CLCN3: variants seen among roughly 807,000 people sequenced by gnomAD.
CLCN3 encodes Cl-/H+ antiporter 3, also known as H(+)/Cl(-) exchange transporter 3.
In CLCN3, 16 loss-of-function variants were observed where a neutral mutation model predicts 83.4. The observed-to-expected ratio is 0.19, with a 90% confidence interval of 0.13 to 0.29. The LOEUF (loss-of-function observed/expected upper bound fraction) is 0.29, where lower values mean the gene tolerates loss of function less well. Ranked by LOEUF, CLCN3 falls within the 10% of genes least tolerant of loss-of-function variation. The pLI, the probability that CLCN3 is intolerant of heterozygous loss-of-function variation, is 1.00. For synonymous variants in CLCN3, 322 were observed against 346.2 expected, an observed-to-expected ratio of 0.93 and a Z score of 0.78; for missense variants, 544 against 1,006.0, an observed-to-expected ratio of 0.54 and a Z score of 6.21.
At position 169,620,922 on chromosome 4, in the gene CLCN3, T is replaced by A. The variant is rs1412993484; in HGVS notation, c.-158T>A. ...TGCGGTAGAAAACGTCAGGTATCTT[T>A]TAAATCGCGATAGTTTTCGCTGTGT... is the stretch of plus-strand genomic sequence containing the variant. On this transcript the variant is annotated 5_prime_UTR_variant, in exon 1 of 13. Coordinates refer to ENST00000513761, the MANE Select transcript of CLCN3 (RefSeq NM_001829.4). The A allele has an allele frequency of 3.8e-5, 15 of 398,394 alleles. No homozygotes were observed. The highest frequency in any genetic ancestry group is 1.8e-5 in the Non-Finnish European group (4 of 226,046). 24.7% of individuals were successfully genotyped at this position (398,394 alleles called of 1,614,324 possible).
intron 2 of CLCN3, among the ~76,000 whole-genome samples, chr4:169,664,969 A>G (rs1479905707): frequency 6.6e-6 from 1 of 152,178 alleles, no homozygotes; most frequent in Non-Finnish European, 1.5e-5. Context: ...TTAAGTTAAC[A>G]TATGTTTAAT....
chr4:169,682,576 CTTCA>C (rs1349634425), intron 3 of CLCN3, among the ~76,000 whole-genome samples: 1 of 152,174 alleles, frequency 6.6e-6, no homozygotes, highest in Non-Finnish European at 1.5e-5. Flanking sequence ...TAGGACATAA[CTTCA>C]TACATACTTC....
rs1209904847 is a variant in CLCN3, at chr4:169,721,788, TAA to T, written c.*1793_*1794del. ...AGGCAGTTTACTCAAAGGACTGGGC[TAA>T]ATATTCTGTAATTATGCATTTTTGA... On this transcript the variant is annotated 3_prime_UTR_variant, in exon 13 of 13. Coordinates refer to ENST00000513761, the MANE Select transcript of CLCN3 (RefSeq NM_001829.4). The T allele has an allele frequency of 6.6e-6, 1 of 152,218 alleles. No individual in the cohort carries two copies. The highest frequency in any genetic ancestry group is 1.5e-5 in the Non-Finnish European group (1 of 68,042). 9.4% of individuals were successfully genotyped at this position (152,218 alleles called of 1,614,324 possible).
chr4:169,710,666 T>TA (rs1364930867), intron 11 of CLCN3, among the ~76,000 whole-genome samples: 1 of 152,230 alleles, frequency 6.6e-6, no homozygotes, highest in Admixed American at 6.5e-5. Flanking sequence ...AATAATTTTT[T>TA]AAACATTTCT....
At chr4:169,654,614 C>T (rs1002298545) in intron 2 of CLCN3, among the ~76,000 whole-genome samples, 1 of 151,872 alleles carries the variant, frequency 6.6e-6, no homozygotes, top group Non-Finnish European at 1.5e-5. Flanking sequence ...CTACTTTGGG[C>T]TATAGGTTAT....
chr4:169,718,885 T>A (rs757727912), intron 12 of CLCN3, among the ~76,000 whole-genome samples: 9 of 152,248 alleles, frequency 5.9e-5, no homozygotes, highest in Non-Finnish European at 1.2e-4. Context: ...GACTGCCTTC[T>A]GATTTTTCAC....
chr4:169,713,013 A>AT (rs1343694982), intron 11 of CLCN3, 66 bp from the exon 12 acceptor site: 1 of 1,166,084 alleles, frequency 8.6e-7, no homozygotes, highest in Non-Finnish European at 1.3e-6. Context: ...TTATCTCTGA[A>AT]TAAACAGGTT....
At chr4:169,633,937 G>C (rs1193461132) in intron 1 of CLCN3, among the ~76,000 whole-genome samples, 1 of 135,172 alleles carries the variant, frequency 7.4e-6, no homozygotes, top group Non-Finnish European at 1.6e-5. Context: ...TAGGTTTCTG[G>C]GTTAATACGT....
At chr4:169,635,809 A>AT (rs1022264560) in intron 1 of CLCN3, 104 bp from the exon 2 acceptor site, 82 of 885,254 alleles carry the variant, frequency 9.3e-5, no homozygotes, top group South Asian at 1.7e-4. Flanking sequence ...AATACGCTTA[A>AT]TTTTTTTTAG....
intron 2 of CLCN3, among the ~76,000 whole-genome samples, chr4:169,646,926 G>A (rs913610974): frequency 5.9e-5 from 9 of 152,200 alleles, no homozygotes; most frequent in Non-Finnish European, 1.3e-4. Context: ...AAAGAATACG[G>A]TAGAAGAAAT....
chr4:169,698,812 G>T (rs1732667659), intron 9 of CLCN3, among the ~76,000 whole-genome samples: 1 of 152,180 alleles, frequency 6.6e-6, no homozygotes, highest in South Asian at 2.1e-4. Context: ...CATTCTGGAG[G>T]CTGTAGGAGA....
intron 2 of CLCN3, among the ~76,000 whole-genome samples, chr4:169,669,350 G>A (rs1731372344): frequency 6.6e-6 from 1 of 152,260 alleles, no homozygotes; most frequent in South Asian, 2.1e-4. Flanking sequence ...ATGTAGCCAG[G>A]TGTGGTGGTG....
chr4:169,663,745 G>T, intron 2 of CLCN3: 2 of 281,512 alleles, frequency 7.1e-6, no homozygotes, highest in Admixed American at 5.1e-5. Context: ...ACTGAGGTAA[G>T]GAATTGTTAA....
intron 2 of CLCN3, among the ~76,000 whole-genome samples, chr4:169,659,358 GAC>G (rs922228844): frequency 6.6e-6 from 1 of 152,138 alleles, no homozygotes; most frequent in African/African-American, 2.4e-5. Flanking sequence ...CTATTAAAGA[GAC>G]AATTTCTGAA....
At chr4:169,683,713 A>T (rs989618110) in intron 3 of CLCN3, among the ~76,000 whole-genome samples, 24 of 151,000 alleles carry the variant, frequency 1.6e-4, no homozygotes, top group African/African-American at 5.6e-4. Flanking sequence ...AATTCCACAC[A>T]TTTATATACT....
intron 1 of CLCN3, among the ~76,000 whole-genome samples, chr4:169,635,701 C>T (rs567634703): frequency 6.5e-4 from 99 of 152,118 alleles, no homozygotes; most frequent in Non-Finnish European, 1.3e-3. Context: ...TGGAGATCTA[C>T]CTGGAGAAAT....
At chr4:169,679,045 C>G (rs1731802689) in intron 2 of CLCN3, among the ~76,000 whole-genome samples, 1 of 151,044 alleles carries the variant, frequency 6.6e-6, no homozygotes, top group South Asian at 2.1e-4. Flanking sequence ...GGGGCGCCCC[C>G]CACCTCCCAG....
chr4:169,721,204 T>C lies in CLCN3; in HGVS notation c.*1207T>C, dbSNP rs1176700787. ...ATTTATATTTTTATGGATTAAAATT[T>C]ATAAAATACAGATCAGTTAATATTG... is the stretch of plus-strand genomic sequence containing the variant. On this transcript the variant is annotated 3_prime_UTR_variant, in exon 13 of 13. Coordinates refer to ENST00000513761, the MANE Select transcript of CLCN3 (RefSeq NM_001829.4). The C allele has an allele frequency of 6.6e-6, 1 of 152,252 alleles. No homozygotes were observed. Among genetic ancestry groups the C allele is most frequent in the Non-Finnish European group, 1.5e-5 (1 of 68,050 alleles). The allele number at this position is 152,252 out of a possible 1,614,324, so 9.4% of individuals were successfully genotyped here.
chr4:169,676,280 A>T (rs7664438), intron 2 of CLCN3, among the ~76,000 whole-genome samples: 150,504 of 152,332 alleles, frequency 0.99, 74,371 homozygotes, highest in East Asian at 1. Context: ...ACATTTCCAT[A>T]GGTTTGAATT....
Sources: allele counts gnomAD v4.1 joint callset (sites outside exome capture counted in the v4.1 genomes callset), GRCh38; gene constraint gnomAD v4.1.1; transcripts MANE v1.5; gene names NCBI Gene and HGNC (gene_info 2026-07-23, HGNC 2026-07-21).